TGS1: variants seen among roughly 807,000 people sequenced by gnomAD.
The protein encoded by TGS1 is trimethylguanosine synthase.
A neutral mutation model predicts 92.2 loss-of-function variants in TGS1; 69 were observed. The ratio of observed to expected loss-of-function variants is 0.75; its 90% CI spans 0.62 to 0.91. The LOEUF (loss-of-function observed/expected upper bound fraction) is 0.91. Among genes scored for constraint, TGS1 ranks in the 40% least tolerant of loss-of-function variants. The pLI is 0.00. For synonymous variants in TGS1, 345 were observed against 338.1 expected (o/e 1.02, Z -0.22); for missense variants, 1,062 against 1,001.2 (o/e 1.06, Z -0.82).
intron 11 of TGS1, among the ~76,000 whole-genome samples, chr8:55,811,530 G>A (rs2130229416): frequency 6.6e-6 from 1 of 151,984 alleles, no homozygotes; most frequent in South Asian, 2.1e-4. Context: ...GGGAGGCCGA[G>A]GCAGGTGGAT....
intron 1 of TGS1, among the ~76,000 whole-genome samples, chr8:55,777,174 A>AT (rs1171909601): frequency 2.6e-5 from 4 of 151,340 alleles, no homozygotes; most frequent in South Asian, 4.2e-4. Context: ...TACCTGCCTG[A>AT]TTTTTTTATT....
At chr8:55,821,677 C>A (rs954045864) in intron 12 of TGS1, among the ~76,000 whole-genome samples, 52 of 151,838 alleles carry the variant, frequency 3.4e-4, no homozygotes, top group Admixed American at 7.9e-4. Context: ...ATCGAGACCA[C>A]CCTGGCTAAC....
At chr8:55,815,630 T>A (rs1322128987) in intron 12 of TGS1, among the ~76,000 whole-genome samples, 1 of 152,214 alleles carries the variant, frequency 6.6e-6, no homozygotes, top group Non-Finnish European at 1.5e-5. Flanking sequence ...TACTCTTAGA[T>A]AATATTTATA....
rs1476987674 is a variant in TGS1 at position 55,796,157 on chromosome 8, G to A, written c.1542+5G>A. 4 of 1,594,952 alleles carry A rather than the reference G, an allele frequency of 2.5e-6. 1 individual carries two copies. The South Asian group carries it at 3.4e-5, about 13-fold the overall frequency. ...AAAAGCAAAATTCTGAGTAAGGTAT[G>A]TATAAATTTTGTTGCATATTTGTAG... On this transcript the variant is annotated splice_donor_5th_base_variant and intron_variant, in intron 7 of 12. Coordinates refer to ENST00000260129, the MANE Select transcript of TGS1 (RefSeq NM_024831.8).
intron 2 of TGS1, among the ~76,000 whole-genome samples, chr8:55,783,037 G>A (rs1811611400): frequency 6.6e-6 from 1 of 152,110 alleles, no homozygotes; most frequent in South Asian, 2.1e-4. Flanking sequence ...ACTTAATGTA[G>A]CCTCTTTTGC....
chr8:55,786,900 C>G lies in TGS1; in HGVS notation c.1002C>G (p.Ser334Arg). 6.2e-7 allele frequency: 1 copy of G among 1,614,040 alleles called. No homozygotes were observed. The highest frequency in any genetic ancestry group is 8.5e-7 in the Non-Finnish European group (1 of 1,179,986). The change falls in exon 4 of 13, where the codon AGC (serine) becomes AGG (arginine). Residue 334 changes from serine (S) to arginine (R), a missense_variant. Physicochemically the swap from Ser to Arg is moderately radical, Grantham distance 110. Transcript: ENST00000260129. ...IKLNSEEVTQSQLDSCTSHDG... is the reference protein window; with the variant it reads ...IKLNSEEVTQRQLDSCTSHDG... ...TGAATTCAGAGGAAGTAACACAGAG[C>G]CAATTAGATTCCTGTACAAGTCATG... is the stretch of plus-strand genomic sequence containing the variant.
intron 1 of TGS1, among the ~76,000 whole-genome samples, chr8:55,779,484 T>C (rs1377567558): frequency 1.3e-5 from 2 of 152,182 alleles, no homozygotes; most frequent in Non-Finnish European, 2.9e-5. Flanking sequence ...GCTTACAGGC[T>C]AGCACTGTGG....
chr8:55,817,824 A>G (rs1054117943), intron 12 of TGS1, among the ~76,000 whole-genome samples: 5 of 152,218 alleles, frequency 3.3e-5, no homozygotes, highest in African/African-American at 1.2e-4. Flanking sequence ...AATAGCCTTT[A>G]CAACTCAGAG....
intron 5 of TGS1, 43 bp from the exon 6 acceptor site, chr8:55,792,655 C>G (rs753529100): frequency 1.5e-6 from 2 of 1,375,664 alleles, no homozygotes; most frequent in Middle Eastern, 1.8e-4. Context: ...CTAGTGGGCT[C>G]TGGTGGTAAT....
At chr8:55,780,373 G>A (rs919594925) in intron 1 of TGS1, among the ~76,000 whole-genome samples, 1 of 151,918 alleles carries the variant, frequency 6.6e-6, no homozygotes, top group African/African-American at 2.4e-5. Context: ...GTCTGACCTT[G>A]CATAACCTGG....
In TGS1 at chr8:55,797,293, A is replaced by G. The variant is rs1223673434; in HGVS notation, c.1542+1141A>G. Among the ~76,000 whole-genome samples the G allele has an allele frequency of 3.3e-5, 5 of 152,260 alleles. No individual in the cohort carries two copies. In the South Asian group the frequency reaches 8.3e-4, roughly 25 times the overall value. On this transcript the variant is annotated intron_variant, in intron 7 of 12. Coordinates refer to ENST00000260129, the MANE Select transcript of TGS1 (RefSeq NM_024831.8). ...GCACCTTATAAAACCATCAGATCTC[A>G]TAAGAACTAACTCACCATCACAAGA... is the stretch of plus-strand genomic sequence containing the variant.
chr8:55,777,092 C>T (rs1005262812), intron 1 of TGS1, among the ~76,000 whole-genome samples: 4 of 151,930 alleles, frequency 2.6e-5, no homozygotes, highest in Non-Finnish European at 2.9e-5. Context: ...ACTGCAGCCT[C>T]AACTTCCCTG....
intron 4 of TGS1, among the ~76,000 whole-genome samples, chr8:55,789,197 CT>C (rs1811804710): frequency 1.3e-5 from 2 of 152,166 alleles, no homozygotes; most frequent in African/African-American, 4.8e-5. Flanking sequence ...ACTGTCTACC[CT>C]GCAGACATCT....
intron 1 of TGS1, 52 bp downstream of exon 1, chr8:55,773,771 A>G: frequency 7.0e-7 from 1 of 1,429,940 alleles, no homozygotes; most frequent in East Asian, 2.4e-5. Context: ...TTACCCAGAA[A>G]TGTAGGTATT....
intron 1 of TGS1, among the ~76,000 whole-genome samples, chr8:55,781,830 C>T (rs927112508): frequency 6.6e-6 from 1 of 152,230 alleles, no homozygotes; most frequent in Non-Finnish European, 1.5e-5. Context: ...CTTCCACTTG[C>T]AATTGGCCTT....
At chr8:55,815,972 G>T (rs1228537464) in intron 12 of TGS1, among the ~76,000 whole-genome samples, 1 of 151,452 alleles carries the variant, frequency 6.6e-6, no homozygotes, top group Admixed American at 6.6e-5. Flanking sequence ...TATGGAGATA[G>T]GGTTTCTCTC....
intron 12 of TGS1, among the ~76,000 whole-genome samples, chr8:55,818,828 G>A (rs1461570108): frequency 2.0e-5 from 3 of 152,350 alleles, no homozygotes; most frequent in South Asian, 2.1e-4. Context: ...GTCCTGTGCT[G>A]ATAGCCTGTG....
chr8:55,820,832 C>T (rs904346663), intron 12 of TGS1, among the ~76,000 whole-genome samples: 8 of 152,126 alleles, frequency 5.3e-5, no homozygotes, highest in African/African-American at 1.7e-4. Flanking sequence ...TTGTACCTGC[C>T]GTTCTCCCTC....
intron 4 of TGS1, among the ~76,000 whole-genome samples, chr8:55,787,863 G>A (rs538879684): frequency 7.9e-5 from 12 of 152,312 alleles, no homozygotes; most frequent in African/African-American, 2.6e-4. Context: ...GGTGAAAGGG[G>A]CATAGGCATG....
Sources: gnomAD v4.1 joint callset for allele counts (sites outside exome capture counted in the v4.1 genomes callset) on GRCh38, gnomAD v4.1.1 for gene constraint, MANE v1.5 for transcripts, NCBI Gene and HGNC (gene_info 2026-07-23, HGNC 2026-07-21) for gene names.